The following AARS2 variants were observed in gnomAD, a reference collection of about 807,000 sequenced individuals.
AARS2 encodes alanyl-tRNA synthetase 2, mitochondrial.
In AARS2, 78 loss-of-function variants were observed where a neutral mutation model predicts 119.7. That is an observed-to-expected ratio of 0.65 (90% CI 0.54 to 0.79). The LOEUF is 0.79. AARS2 is among the 30% of genes least tolerant of loss of function. AARS2 has a pLI of 0.00. For synonymous variants in AARS2, 502 were observed against 526.3 expected (o/e 0.95, Z 0.63); for missense variants, 1,157 against 1,291.3 (o/e 0.90, Z 1.59).
At chr6:44,311,926 A>T in intron 2 of AARS2, 146 bp downstream of exon 2, 1 of 971,496 alleles carries the variant, frequency 1.0e-6, no homozygotes, top group Non-Finnish European at 1.6e-6. Flanking sequence ...CAATCCAATC[A>T]GGGAGGTGAG....
At position 44,304,206 on chromosome 6, in the gene AARS2, T is replaced by C. The variant is rs1267903067; in HGVS notation, c.1982A>G (p.Gln661Arg). 1 of 1,613,860 alleles carries C rather than the reference T, an allele frequency of 6.2e-7. No individual in the cohort carries two copies. The highest frequency in any genetic ancestry group is 8.5e-7 in the Non-Finnish European group (1 of 1,180,026). Residue 661 changes from glutamine to arginine, a missense_variant, in exon 14 of 22, where the codon CAG (glutamine) becomes CGG (arginine). Transcript: ENST00000244571. ...CTGGGTGGTCACATCCAAGCGCAGC[T>C]GCTCAGGATTGAGATGGGAGCCCTG... Reference protein sequence around the residue: ...EQQGSHLNPEQLRLDVTTQTP... With the variant: ...EQQGSHLNPERLRLDVTTQTP...
At chr6:44,312,034 C>A (rs1238174395) in intron 2 of AARS2, 38 bp downstream of exon 2, 2 of 1,607,062 alleles carry the variant, frequency 1.2e-6, no homozygotes, top group South Asian at 2.2e-5. Context: ...GACAAATTGA[C>A]TCCCTTCTTG....
At position 44,304,400 on chromosome 6, in the gene AARS2, C is replaced by G; in HGVS notation, c.1866+20G>C. On this transcript the variant is annotated intron_variant, in intron 13 of 21. Transcript: ENST00000244571. ...TGAAGGGGCTGCAGGGTATTGGGAACAGTTAGGGAGGATCCTTACCTCATC... is the reference window on the plus strand; with the variant it reads ...TGAAGGGGCTGCAGGGTATTGGGAAGAGTTAGGGAGGATCCTTACCTCATC... 6.2e-7 allele frequency: 1 copy of G among 1,614,144 alleles called. No homozygotes were observed. Among genetic ancestry groups the G allele is most frequent in the Non-Finnish European group, 8.5e-7 (1 of 1,179,994 alleles).
At position 44,298,991 on chromosome 6, in the gene AARS2, G is replaced by A. The variant is rs1583045637; in HGVS notation, c.*1556C>T. 6.6e-6 allele frequency among the ~76,000 whole-genome samples: 1 copy of A among 152,190 alleles called. No homozygotes were observed. The highest frequency in any genetic ancestry group is 1.9e-4 in the East Asian group (1 of 5,194). ...GGTGCTGTACAACTTGTTTTAATAA[G>A]CATATTGTTTGTCTGACCCCGCTCT... On this transcript the variant is annotated 3_prime_UTR_variant, in exon 22 of 22. Transcript: ENST00000244571.
chr6:44,305,337 C>A lies in AARS2; in HGVS notation c.1435-139G>T. 2.2e-6 allele frequency: 3 copies of A among 1,386,874 alleles called. No individual in the cohort carries two copies. Among genetic ancestry groups the A allele is most frequent in the Non-Finnish European group, 3.0e-6 (3 of 1,004,316 alleles). The allele number at this position is 1,386,874 out of a possible 1,614,324, so 85.9% of individuals were successfully genotyped here. On this transcript the variant is annotated intron_variant, in intron 10 of 21. Coordinates refer to ENST00000244571, the MANE Select transcript of AARS2 (RefSeq NM_020745.4). The surrounding 1 kb of genome is among the most constrained non-coding windows in gnomAD (Gnocchi z 4.6). ...TCTGGAATAAGAACTCAGGGCTTGG[C>A]TGGCTGCTAGAGCCCCTGAGCTGGT...
At chr6:44,303,547 A>T in intron 14 of AARS2, 124 bp from the exon 15 acceptor site, 1 of 1,406,034 alleles carries the variant, frequency 7.1e-7, no homozygotes, top group East Asian at 2.3e-5. Context: ...TGGCTAGCAC[A>T]TAATAGGTGC....
chr6:44,305,164 T>G lies in AARS2; in HGVS notation c.1469A>C (p.Gln490Pro). Residue 490 changes from glutamine to proline, a missense_variant, in exon 11 of 22, where the codon CAG becomes CCG. Physicochemically the swap from Gln to Pro is moderately conservative, Grantham distance 76. Transcript: ENST00000244571. The surrounding 1 kb of genome is among the most constrained non-coding windows in gnomAD (Gnocchi z 4.6). Reference sequence around the variant, plus strand: ...CGCATGGACATCAAGCCACAATCCCTGCTTCTGAACTGGCTCAGCCTGCCG... The same window carrying G: ...CGCATGGACATCAAGCCACAATCCCGGCTTCTGAACTGGCTCAGCCTGCCG... ...RARQAEPVQK[Q>P]GLWLDVHALG... 6.2e-7 allele frequency: 1 copy of G among 1,613,470 alleles called. No homozygotes were observed. The highest frequency in any genetic ancestry group is 1.7e-4 in the Middle Eastern group (1 of 5,720).
chr6:44,313,340 G>C lies in AARS2; in HGVS notation c.-17C>G. ...CGCTGCCATCGTAGCTCCGGGCAGTGACTTTACGTGGTCAAAGAGTGACGA... is the reference window on the plus strand; with the variant it reads ...CGCTGCCATCGTAGCTCCGGGCAGTCACTTTACGTGGTCAAAGAGTGACGA... On this transcript the variant is annotated 5_prime_UTR_variant, in exon 1 of 22. Coordinates refer to ENST00000244571, the MANE Select transcript of AARS2 (RefSeq NM_020745.4). 6.3e-7 allele frequency: 1 copy of C among 1,597,440 alleles called. No homozygotes were observed. The highest frequency in any genetic ancestry group is 8.5e-7 in the Non-Finnish European group (1 of 1,178,692).
chr6:44,306,296 A>G lies in AARS2; in HGVS notation c.1284T>C (p.Pro428=). 2 of 1,614,080 alleles carry G rather than the reference A, an allele frequency of 1.2e-6. No individual in the cohort carries two copies. Among genetic ancestry groups the G allele is most frequent in the Non-Finnish European group, 1.7e-6 (2 of 1,179,970 alleles). The change falls in exon 9 of 22, where the codon CCT becomes CCC. Residue 428 remains proline (P), a synonymous_variant. Coordinates refer to ENST00000244571, the MANE Select transcript of AARS2 (RefSeq NM_020745.4). ...IIDRTLRTLG[P]SDMFPAEVAW... ...CCTGCTTACCAGGGAACATATCTGA[A>G]GGCCCCAGGGTCCTCAGAGTCCGAT...
chr6:44,307,970 C>G lies in AARS2; in HGVS notation c.895-576G>C, dbSNP rs980516603. On this transcript the variant is annotated intron_variant, in intron 5 of 21. Transcript: ENST00000244571. This position sits in a 1 kb window ranked among gnomAD's most constrained non-coding sequence, Gnocchi z 4.4. ...TCCCCAAGCTTCTTCGTCTAACAGT[C>G]ATGCCATTCACTGTGTTGCTCAAGT... Among the ~76,000 whole-genome samples, 4 of 152,234 alleles carry G rather than the reference C, an allele frequency of 2.6e-5. No individual in the cohort carries two copies. Among genetic ancestry groups the G allele is most frequent in the Non-Finnish European group, 5.9e-5 (4 of 68,046 alleles).
chr6:44,303,008 C>G, intron 16 of AARS2, 58 bp downstream of exon 16: 6 of 1,608,362 alleles, frequency 3.7e-6, no homozygotes, highest in Non-Finnish European at 5.1e-6. Context: ...CTCCAAAGAC[C>G]AAGGGAAGGG....
intron 9 of AARS2, among the ~76,000 whole-genome samples, chr6:44,306,041 G>A (rs1010709715): frequency 2.6e-5 from 4 of 152,154 alleles, no homozygotes; most frequent in South Asian, 4.1e-4. Context: ...GTCTATGCAC[G>A]AAGCCAACCT....
Position 44,304,689 on chromosome 6 carries a change from C to A in AARS2, c.1708G>T (p.Gly570Cys), listed in dbSNP as rs776207639. 1.9e-6 allele frequency: 3 copies of A among 1,614,232 alleles called. No homozygotes were observed. Among genetic ancestry groups the A allele is most frequent in the Non-Finnish European group, 2.5e-6 (3 of 1,180,042 alleles). Residue 570 changes from glycine (G) to cysteine (C), a missense_variant, in exon 12 of 22, where the codon GGC (glycine) becomes TGC (cysteine). Coordinates refer to ENST00000244571, the MANE Select transcript of AARS2 (RefSeq NM_020745.4). ...DRTNFYAEQG[G>C]QASDRGYLVR... ...AGGTAGCCACGGTCTGAAGCCTGGC[C>A]CCCCTGTTCTGCGTAGAAGTTGGTC...
At chr6:44,306,166 T>C (rs1283707870) in intron 9 of AARS2, 114 bp downstream of exon 9, 7 of 1,008,338 alleles carry the variant, frequency 6.9e-6, no homozygotes, top group East Asian at 4.8e-5. Flanking sequence ...AAAGGAACAT[T>C]GGGAAGAGGT....
In AARS2 at chr6:44,307,026, A is replaced by G. The variant is rs759540924; in HGVS notation, c.1046T>C (p.Val349Ala). The G allele has an allele frequency of 1.9e-6, 3 of 1,613,972 alleles. No individual in the cohort carries two copies. Among genetic ancestry groups the G allele is most frequent in the Non-Finnish European group, 2.5e-6 (3 of 1,180,006 alleles). Residue 349 changes from valine to alanine, a missense_variant, in exon 7 of 22, where the codon GTT becomes GCT. Transcript: ENST00000244571. This position sits in a 1 kb window ranked among gnomAD's most constrained non-coding sequence, Gnocchi z 4.4. ...IFPGMSGPPL[V>A]LRRILRRAVR... ...AGCTCGACGCAGGATCCGACGAAGA[A>G]CCAGCCTAAAGGGGTTCAGAGCCCA... is the stretch of plus-strand genomic sequence containing the variant.
intron 5 of AARS2, 40 bp downstream of exon 5, chr6:44,310,259 G>A: frequency 1.3e-6 from 2 of 1,561,748 alleles, no homozygotes; most frequent in Non-Finnish European, 1.7e-6. Flanking sequence ...GGGCTGTGAA[G>A]AGCAGGTTAG....
At position 44,305,800 on chromosome 6, in the gene AARS2, A is replaced by G. The variant is rs1406017456; in HGVS notation, c.1301-14T>C. The stretch of plus-strand genomic sequence containing the variant: ...AGGCCACTTCAGCTTTGAGAAAGAA[A>G]GACAAAGAATGTTGAGGAGGGGAGG... On this transcript the variant is annotated splice_polypyrimidine_tract_variant and intron_variant, in intron 9 of 21. Transcript: ENST00000244571. The surrounding 1 kb of genome is among the most constrained non-coding windows in gnomAD (Gnocchi z 4.6). The G allele has an allele frequency of 1.9e-6, 3 of 1,613,914 alleles. No homozygotes were observed. The African/African-American group carries it at 4.0e-5, about 22-fold the overall frequency.
chr6:44,307,560 G>A lies in AARS2; in HGVS notation c.895-166C>T. ...AGCCTCACAGATGAGCACAAGCCAG[G>A]CCCTGCCCTCACGGGGCTCATATTT... On this transcript the variant is annotated intron_variant, in intron 5 of 21. Coordinates refer to ENST00000244571, the MANE Select transcript of AARS2 (RefSeq NM_020745.4). This position sits in a 1 kb window ranked among gnomAD's most constrained non-coding sequence, Gnocchi z 4.4. 1 of 837,460 alleles carries A rather than the reference G, an allele frequency of 1.2e-6. No homozygotes were observed. Among genetic ancestry groups the A allele is most frequent in the South Asian group, 1.7e-5 (1 of 59,790 alleles). 51.9% of individuals were successfully genotyped at this position (837,460 alleles called of 1,614,324 possible). A position where few individuals can be genotyped will look rare whatever the true frequency, so the allele number is the denominator to read the frequency against.
chr6:44,306,263 C>T lies in AARS2; in HGVS notation c.1300+17G>A. On this transcript the variant is annotated intron_variant, in intron 9 of 21. Coordinates refer to ENST00000244571, the MANE Select transcript of AARS2 (RefSeq NM_020745.4). ...TCTCAGCGAGCCCCTTGTGCATGGG[C>T]TAGGTATCCTGCTTACCAGGGAACA... is the stretch of plus-strand genomic sequence containing the variant. The T allele has an allele frequency of 1.2e-6, 2 of 1,612,692 alleles. No homozygotes were observed. Among genetic ancestry groups the T allele is most frequent in the Non-Finnish European group, 1.7e-6 (2 of 1,178,724 alleles).
Sources: allele counts gnomAD v4.1 joint callset (sites outside exome capture counted in the v4.1 genomes callset), GRCh38; gene constraint gnomAD v4.1.1; non-coding constraint Gnocchi (gnomAD v3.1); transcripts MANE v1.5; gene names NCBI Gene and HGNC (gene_info 2026-07-23, HGNC 2026-07-21).